ESR1: variants seen among roughly 807,000 people sequenced by gnomAD.
ESR1 encodes the protein estrogen receptor 1, also known as estrogen receptor.
Under a neutral mutation model 52.7 loss-of-function variants are expected in ESR1, and 12 were observed. The ratio of observed to expected loss-of-function variants is 0.23; its 90% CI spans 0.15 to 0.37. The LOEUF (loss-of-function observed/expected upper bound fraction) is 0.37, where lower values mean the gene tolerates loss of function less well. Among genes scored for constraint, ESR1 ranks in the 10% least tolerant of loss-of-function variants. The pLI is 1.00. For missense variants in ESR1, 584 were observed against 779.7 expected, an observed-to-expected ratio of 0.75 and a Z score of 2.99; for synonymous variants, 305 against 316.8, an observed-to-expected ratio of 0.96 and a Z score of 0.39.
At chr6:152,081,873 A>G (rs1015852198) in intron 6 of ESR1, among the ~76,000 whole-genome samples, 2 of 152,220 alleles carry the variant, frequency 1.3e-5, no homozygotes, top group East Asian at 3.9e-4. Context: ...TGGAAAATCT[A>G]GAAGAAATGG....
At chr6:151,958,739 G>A (rs558808031) in intron 4 of ESR1, among the ~76,000 whole-genome samples, 21 of 152,286 alleles carry the variant, frequency 1.4e-4, no homozygotes, top group African/African-American at 4.8e-4. Context: ...GAAATTATCT[G>A]TACGTGAGAG....
intron 1 of ESR1, among the ~76,000 whole-genome samples, chr6:151,831,690 T>A (rs1157751469): frequency 6.6e-6 from 1 of 152,160 alleles, no homozygotes; most frequent in East Asian, 1.9e-4. Context: ...GCTACCTTGG[T>A]TACTATTTCT....
chr6:152,060,653 C>T (rs78056206), intron 5 of ESR1, among the ~76,000 whole-genome samples: 5 of 152,138 alleles, frequency 3.3e-5, no homozygotes, highest in Admixed American at 2.0e-4. Flanking sequence ...GATCAATATA[C>T]GTGTATTAGA....
chr6:152,001,890 ACCC>A (rs1160197370), intron 4 of ESR1, among the ~76,000 whole-genome samples: 1 of 151,226 alleles, frequency 6.6e-6, no homozygotes, highest in Non-Finnish European at 1.5e-5. Flanking sequence ...TTCTGAATTA[ACCC>A]CCCATGTGCT....
chr6:151,676,635 A>G (rs185770064), intron 1 of ESR1, among the ~76,000 whole-genome samples: 16 of 152,296 alleles, frequency 1.1e-4, no homozygotes, highest in Admixed American at 9.2e-4. Flanking sequence ...CAGACCCAAC[A>G]CATGGGCAGC....
At chr6:151,929,730 A>C (rs1292006763) in intron 3 of ESR1, among the ~76,000 whole-genome samples, 1 of 152,182 alleles carries the variant, frequency 6.6e-6, no homozygotes, top group Non-Finnish European at 1.5e-5. Context: ...AAATAAATCA[A>C]TAAGTGGGGC....
At chr6:151,876,429 G>A (rs1320674238) in intron 2 of ESR1, among the ~76,000 whole-genome samples, 1 of 152,130 alleles carries the variant, frequency 6.6e-6, no homozygotes, top group Non-Finnish European at 1.5e-5. Context: ...GGAGAGACCT[G>A]CAATATTATA....
chr6:151,795,977 T>A (rs1776661509), intron 2 of ESR1, among the ~76,000 whole-genome samples: 1 of 140,662 alleles, frequency 7.1e-6, no homozygotes, highest in South Asian at 2.3e-4. Context: ...TGAAACCCCA[T>A]CTCTTCTAAA....
At chr6:151,977,407 G>A (rs2039536899) in intron 4 of ESR1, among the ~76,000 whole-genome samples, 1 of 142,292 alleles carries the variant, frequency 7.0e-6, no homozygotes. Context: ...CCTCATGAGA[G>A]ATTTCAGCTA....
rs925312852 is a variant in ESR1, at chr6:152,009,825, C to A, written c.1097-1831C>A. 3.3e-5 allele frequency among the ~76,000 whole-genome samples: 5 copies of A among 152,168 alleles called. No homozygotes were observed. The East Asian group carries it at 9.7e-4, about 29-fold the overall frequency. ...ATTTGTAATAGCCAAAAACTAGAAA[C>A]AACCCAAATGTCCAATGAAAGGATA... On this transcript the variant is annotated intron_variant, in intron 4 of 7. Coordinates refer to ENST00000206249, the MANE Select transcript of ESR1 (RefSeq NM_000125.4).
chr6:151,753,522 T>C (rs549328449), intron 2 of ESR1, among the ~76,000 whole-genome samples: 1 of 152,096 alleles, frequency 6.6e-6, no homozygotes, highest in South Asian at 2.1e-4. Context: ...TTCACCGTGT[T>C]GACTAGGGTG....
chr6:152,092,862 A>G (rs2050297128), intron 6 of ESR1, among the ~76,000 whole-genome samples: 1 of 152,194 alleles, frequency 6.6e-6, no homozygotes, highest in Non-Finnish European at 1.5e-5. Context: ...CTTGTAATAG[A>G]ATTTTTTCAG....
intron 6 of ESR1, chr6:152,121,713 A>C (rs764228172): frequency 1.3e-5 from 2 of 152,682 alleles, no homozygotes. Flanking sequence ...TAATAAATGC[A>C]AAGAAATCAA....
At chr6:151,659,266 G>A (rs1777557791) in intron 1 of ESR1, among the ~76,000 whole-genome samples, 1 of 152,166 alleles carries the variant, frequency 6.6e-6, no homozygotes, top group Admixed American at 6.5e-5. Context: ...GCCCACCTCA[G>A]CCTCCCAGAG....
At chr6:152,027,909 C>G (rs1289331131) in intron 5 of ESR1, among the ~76,000 whole-genome samples, 1 of 151,842 alleles carries the variant, frequency 6.6e-6, no homozygotes, top group Non-Finnish European at 1.5e-5. Flanking sequence ...TTTGGGAGGC[C>G]GAGGCGGGTA....
chr6:151,737,949 A>C (rs1302698244), intron 2 of ESR1, among the ~76,000 whole-genome samples: 1 of 152,204 alleles, frequency 6.6e-6, no homozygotes, highest in African/African-American at 2.4e-5. Context: ...TTCTTTTGCA[A>C]ATACTTGCCA....
intron 4 of ESR1, among the ~76,000 whole-genome samples, chr6:151,975,860 C>A (rs1247506759): frequency 6.6e-6 from 1 of 152,136 alleles, no homozygotes; most frequent in South Asian, 2.1e-4. Context: ...TATCTATAAA[C>A]CTAAGGTTTA....
Position 151,740,328 on chromosome 6 carries a change from T to C in ESR1, c.-71+38323T>C, listed in dbSNP as rs565469722. ...TTTTTGTATTTTTAGTATATACAGG[T>C]TTTTCTCATGGTGGCCAGGCTGGTC... is the stretch of plus-strand genomic sequence containing the variant. On this transcript the variant is annotated intron_variant, in intron 2 of 2. Transcript: ENST00000404742. 2.0e-3 allele frequency among the ~76,000 whole-genome samples: 262 copies of C among 128,886 alleles called. 2 individuals are homozygous for C. The highest frequency in any genetic ancestry group is 9.4e-3 in the Middle Eastern group (2 of 212). The allele number at this position is 128,886 out of a possible 152,430, so 84.6% of individuals were successfully genotyped here. A position where few individuals can be genotyped will look rare whatever the true frequency, so the allele number is the denominator to read the frequency against.
intron 2 of ESR1, among the ~76,000 whole-genome samples, chr6:151,730,954 ATTC>A (rs1474833421): frequency 1.3e-5 from 2 of 152,224 alleles, no homozygotes; most frequent in Non-Finnish European, 2.9e-5. Context: ...TAAAAAAGAC[ATTC>A]TTCTTGCCTC....
Sources: allele counts gnomAD v4.1 joint callset (sites outside exome capture counted in the v4.1 genomes callset), GRCh38; gene constraint gnomAD v4.1.1; transcripts MANE v1.5; gene names NCBI Gene and HGNC (gene_info 2026-07-23, HGNC 2026-07-21).